The following VPS8 variants were observed in gnomAD, a reference collection of about 807,000 sequenced individuals.
VPS8 encodes vacuolar protein sorting-associated protein 8 homolog.
A neutral mutation model predicts 216.4 loss-of-function variants in VPS8; 129 were observed. That is an observed-to-expected ratio of 0.60 (90% CI 0.52 to 0.69). The LOEUF (loss-of-function observed/expected upper bound fraction) is 0.69. Among genes scored for constraint, VPS8 ranks in the 30% least tolerant of loss-of-function variants. The pLI is 0.00. For missense variants in VPS8, 1,531 were observed against 1,683.5 expected (o/e 0.91, Z 1.59); for synonymous variants, 571 against 565.4 (o/e 1.01, Z -0.14).
At chr3:184,908,869 A>T (rs766989915) in intron 25 of VPS8, among the ~76,000 whole-genome samples, 1 of 152,194 alleles carries the variant, frequency 6.6e-6, no homozygotes. Flanking sequence ...GTGGGCTCAG[A>T]ATAGGGGAGG....
chr3:184,939,054 G>A (rs929822368), intron 35 of VPS8, among the ~76,000 whole-genome samples: 6 of 149,566 alleles, frequency 4.0e-5, no homozygotes, highest in African/African-American at 1.5e-4. Context: ...AAAAAGGTCT[G>A]TTTGTGGAGT....
chr3:184,966,765 T>TA, intron 39 of VPS8, 52 bp downstream of exon 39: 1 of 1,332,718 alleles, frequency 7.5e-7, no homozygotes, highest in Non-Finnish European at 1.0e-6. Context: ...CCCCATGTTT[T>TA]AAAAGATGTT....
chr3:184,968,325 A>G (rs1474788784), intron 39 of VPS8, among the ~76,000 whole-genome samples: 1 of 152,214 alleles, frequency 6.6e-6, no homozygotes, highest in Non-Finnish European at 1.5e-5. Context: ...GTCTATTATG[A>G]CTAATGCCTC....
At chr3:184,880,813 C>T (rs1427533253) in intron 21 of VPS8, among the ~76,000 whole-genome samples, 1 of 152,174 alleles carries the variant, frequency 6.6e-6, no homozygotes, top group East Asian at 1.9e-4. Context: ...TTCTAGTCTA[C>T]ATCCAGCATT....
intron 36 of VPS8, among the ~76,000 whole-genome samples, chr3:184,947,229 TC>T (rs1336672617): frequency 7.9e-5 from 12 of 152,150 alleles, no homozygotes; most frequent in Admixed American, 7.9e-4. Flanking sequence ...AGCAGAGAGT[TC>T]CCCCACATTT....
chr3:184,966,151 A>G (rs1747374435), intron 38 of VPS8, among the ~76,000 whole-genome samples: 1 of 152,148 alleles, frequency 6.6e-6, no homozygotes, highest in Non-Finnish European at 1.5e-5. Flanking sequence ...CTGACGTGTC[A>G]CATGGCATGA....
chr3:184,921,493 G>A (rs1229775716), intron 29 of VPS8, among the ~76,000 whole-genome samples: 3 of 152,148 alleles, frequency 2.0e-5, no homozygotes, highest in African/African-American at 7.2e-5. Flanking sequence ...AAGGCCCCTT[G>A]GTTGGTGGGG....
At chr3:184,862,811 T>A in intron 15 of VPS8, 86 bp from the exon 16 acceptor site, 1 of 1,392,658 alleles carries the variant, frequency 7.2e-7, no homozygotes, top group Non-Finnish European at 9.9e-7. Context: ...CAATGTAATT[T>A]AATCGAGCAG....
chr3:184,960,289 C>T (rs188006546), intron 37 of VPS8, among the ~76,000 whole-genome samples: 1 of 152,196 alleles, frequency 6.6e-6, no homozygotes, highest in African/African-American at 2.4e-5. Context: ...AATAGTGTTG[C>T]ACTCTTTTTC....
rs1378560357 is a variant in VPS8, at chr3:184,849,955, C to A, written c.686C>A (p.Ala229Asp). 1 of 1,613,004 alleles carries A rather than the reference C, an allele frequency of 6.2e-7. No homozygotes were observed. Among genetic ancestry groups the A allele is most frequent in the African/African-American group, 1.3e-5 (1 of 74,860 alleles). ...TTATAGATCACCATGTGGGATTTGG[C>A]CAGTGGAAAACTTCTAAGATCAATA... The part of the protein sequence containing the change: ...AKGQITMWDL[A>D]SGKLLRSITD... The change falls in exon 10 of 48, where the codon GCC becomes GAC. Residue 229 changes from alanine to aspartate, a missense_variant. This residue lies in a region of VPS8 where 1,318 missense variants were observed against 1,468.4 expected (regional missense o/e 0.90). Transcript: ENST00000625842.
At chr3:184,829,903 T>C (rs1055179663) in intron 3 of VPS8, among the ~76,000 whole-genome samples, 3 of 152,228 alleles carry the variant, frequency 2.0e-5, no homozygotes, top group Non-Finnish European at 4.4e-5. Flanking sequence ...TTATATATGC[T>C]AATACAAGCC....
At chr3:185,037,987 C>T (rs1759139442) in intron 46 of VPS8, among the ~76,000 whole-genome samples, 3 of 152,092 alleles carry the variant, frequency 2.0e-5, no homozygotes, top group South Asian at 4.1e-4. Flanking sequence ...TTGTTTCCTG[C>T]TTTTTTCCCT....
chr3:184,832,822 A>G lies in VPS8; in HGVS notation c.353+3A>G. ...GGTGACAGGACCAACTTAAAAAGGT[A>G]GGTATTCATGTCAATCATACTTGCT... is the stretch of plus-strand genomic sequence containing the variant. On this transcript the variant is annotated splice_donor_region_variant and intron_variant, in intron 4 of 47. Coordinates refer to ENST00000625842, the MANE Select transcript of VPS8 (RefSeq NM_001009921.3). 1 of 1,605,982 alleles carries G rather than the reference A, an allele frequency of 6.2e-7. No homozygotes were observed. The highest frequency in any genetic ancestry group is 8.5e-7 in the Non-Finnish European group (1 of 1,175,932).
intron 42 of VPS8, among the ~76,000 whole-genome samples, chr3:184,993,561 T>C (rs919036282): frequency 6.6e-6 from 1 of 152,000 alleles, no homozygotes; most frequent in African/African-American, 2.4e-5. Context: ...ACTGATGCAA[T>C]TGAGTTGGTT....
intron 42 of VPS8, among the ~76,000 whole-genome samples, chr3:184,984,874 GT>G (rs1327663469): frequency 3.9e-5 from 6 of 152,076 alleles, no homozygotes; most frequent in African/African-American, 1.2e-4. Context: ...ACAAAAACAT[GT>G]TTTTCTCTTG....
intron 36 of VPS8, among the ~76,000 whole-genome samples, chr3:184,956,412 C>A (rs1292203186): frequency 2.0e-5 from 3 of 152,182 alleles, no homozygotes; most frequent in African/African-American, 7.2e-5. Context: ...ATGAGAAAAC[C>A]TGGAAACTAC....
chr3:185,033,795 G>T (rs1484029706), intron 46 of VPS8, among the ~76,000 whole-genome samples: 4 of 152,216 alleles, frequency 2.6e-5, no homozygotes, highest in South Asian at 2.1e-4. Flanking sequence ...TGTTGTGGTG[G>T]TGTCAGTGTT....
intron 1 of VPS8, chr3:184,812,903 TC>T (rs1715464995): frequency 6.6e-6 from 1 of 152,222 alleles, no homozygotes; most frequent in Non-Finnish European, 1.5e-5. Flanking sequence ...CCTCTTAGGA[TC>T]GGTGCGCACC....
chr3:184,949,139 CTA>C (rs1277136784), intron 36 of VPS8, among the ~76,000 whole-genome samples: 3 of 151,954 alleles, frequency 2.0e-5, no homozygotes, highest in Admixed American at 1.3e-4. Flanking sequence ...AACTCTATCT[CTA>C]TAAAAATTAG....
Sources: gnomAD v4.1 joint callset for allele counts (sites outside exome capture counted in the v4.1 genomes callset) on GRCh38, gnomAD v4.1.1 for gene constraint, gnomAD v4.1.1 regional missense constraint, MANE v1.5 for transcripts, NCBI Gene and HGNC (gene_info 2026-07-23, HGNC 2026-07-21) for gene names.